KCNAB2: variants seen among roughly 807,000 people sequenced by gnomAD.
KCNAB2 encodes voltage-gated potassium channel subunit beta-2.
A neutral mutation model predicts 63.6 loss-of-function variants in KCNAB2; 29 were observed. The observed-to-expected ratio is 0.46, with a 90% confidence interval of 0.34 to 0.62. The LOEUF (loss-of-function observed/expected upper bound fraction) is 0.62. Among genes scored for constraint, KCNAB2 ranks in the 20% least tolerant of loss-of-function variants. KCNAB2 has a pLI of 0.01. For synonymous variants in KCNAB2, 222 were observed against 224.2 expected, an observed-to-expected ratio of 0.99 and a Z score of 0.09; for missense variants, 359 against 563.9, an observed-to-expected ratio of 0.64 and a Z score of 3.68.
intron 1 of KCNAB2, among the ~76,000 whole-genome samples, chr1:6,009,470 C>A (rs1161561991): frequency 6.6e-6 from 1 of 152,262 alleles, no homozygotes; most frequent in African/African-American, 2.4e-5. Flanking sequence ...CGTCCCCTGT[C>A]TAGACCCCAT....
chr1:6,090,497 C>A, intron 9 of KCNAB2, 22 bp downstream of exon 9: 2 of 1,598,446 alleles, frequency 1.3e-6, no homozygotes, highest in Non-Finnish European at 1.7e-6. Context: ...GCGGCGGCGC[C>A]ACCGGTTAGG....
chr1:6,060,626 G>A (rs2100587436), intron 2 of KCNAB2, among the ~76,000 whole-genome samples: 1 of 152,356 alleles, frequency 6.6e-6, no homozygotes, highest in South Asian at 2.1e-4. Flanking sequence ...GTCAGGCCAA[G>A]CGTGGTGGCT....
At chr1:6,066,080 G>A (rs76199378) in intron 2 of KCNAB2, among the ~76,000 whole-genome samples, 5,647 of 152,268 alleles carry the variant, frequency 0.037, 314 homozygotes, top group African/African-American at 0.12. Flanking sequence ...GGTGTCCTTC[G>A]TTTGCTCGGA....
Position 6,098,473 on chromosome 1 carries a change from T to C in KCNAB2, c.1159-12T>C. ...TGGTGGGATTCTGATTTGTTGTTGTTCTTGCACGCAGGTCCTTCCGAAACT... is the reference window on the plus strand; with the variant it reads ...TGGTGGGATTCTGATTTGTTGTTGTCCTTGCACGCAGGTCCTTCCGAAACT... On this transcript the variant is annotated splice_polypyrimidine_tract_variant and intron_variant, in intron 15 of 15. Transcript: ENST00000378083. 6.2e-7 allele frequency: 1 copy of C among 1,613,688 alleles called. No individual in the cohort carries two copies. The highest frequency in any genetic ancestry group is 8.5e-7 in the Non-Finnish European group (1 of 1,179,798).
At chr1:6,043,178 T>C (rs767352840), upstream of KCNAB2, among the ~76,000 whole-genome samples, 1 of 152,098 alleles carries the variant, frequency 6.6e-6, no homozygotes, top group Non-Finnish European at 1.5e-5. Context: ...CTGAACTGCA[T>C]CCTCAGAGAG....
rs1272690875 is a variant in KCNAB2 at position 6,071,616 on chromosome 1, C to T, written c.219-1139C>T. ...TATCGTAACGTGGGAATCGATGTCACGACAAGCAAGGCGCCTGCTGCGTAG... is the reference window on the plus strand; with the variant it reads ...TATCGTAACGTGGGAATCGATGTCATGACAAGCAAGGCGCCTGCTGCGTAG... On this transcript the variant is annotated intron_variant, in intron 2 of 15. Transcript: ENST00000378083. This position sits in a 1 kb window ranked among gnomAD's most constrained non-coding sequence, Gnocchi z 8.5. 1.3e-5 allele frequency among the ~76,000 whole-genome samples: 2 copies of T among 152,318 alleles called. No individual in the cohort carries two copies. Among genetic ancestry groups the T allele is most frequent in the South Asian group, 2.1e-4 (1 of 4,830 alleles).
chr1:6,020,969 C>T (rs1362553421), intron 1 of KCNAB2, among the ~76,000 whole-genome samples: 1 of 152,050 alleles, frequency 6.6e-6, no homozygotes, highest in African/African-American at 2.4e-5. Flanking sequence ...CCTGTAAGGC[C>T]ACCACACCCA....
chr1:5,998,023 G>C (rs940010268), intron 1 of KCNAB2, among the ~76,000 whole-genome samples: 1 of 152,236 alleles, frequency 6.6e-6, no homozygotes, highest in African/African-American at 2.4e-5. Context: ...GGGAAGGAGA[G>C]ACGGGGGCAG....
At chr1:6,097,043 C>T (rs990101625) in intron 14 of KCNAB2, among the ~76,000 whole-genome samples, 5 of 152,198 alleles carry the variant, frequency 3.3e-5, no homozygotes, top group South Asian at 2.1e-4. Flanking sequence ...GGATGGGGAG[C>T]GCTAAGCACT....
rs1012008976 is a variant in KCNAB2 at position 6,071,830 on chromosome 1, A to G, written c.219-925A>G. 7.0e-6 allele frequency among the ~76,000 whole-genome samples: 1 copy of G among 143,426 alleles called. No individual in the cohort carries two copies. The highest frequency in any genetic ancestry group is 1.5e-5 in the Non-Finnish European group (1 of 65,486). The allele number at this position is 143,426 out of a possible 152,430, so 94.1% of individuals were successfully genotyped here. ...CTGCCGCGAGGGCACCTCCTGCCGC[A>G]TAGGGCACCTCCTGCCGCGAGGGCA... On this transcript the variant is annotated intron_variant, in intron 2 of 15. Coordinates refer to ENST00000378083, the MANE Select transcript of KCNAB2 (RefSeq NM_001199862.2). This position sits in a 1 kb window ranked among gnomAD's most constrained non-coding sequence, Gnocchi z 8.5.
chr1:6,022,084 G>A (rs1240528632), intron 1 of KCNAB2, among the ~76,000 whole-genome samples: 1 of 152,034 alleles, frequency 6.6e-6, no homozygotes, highest in Non-Finnish European at 1.5e-5. Flanking sequence ...GGCATTGAGT[G>A]TACAGTTCAG....
intron 1 of KCNAB2, among the ~76,000 whole-genome samples, chr1:6,025,836 C>T (rs1351816131): frequency 8.4e-6 from 1 of 119,756 alleles, no homozygotes; most frequent in Non-Finnish European, 1.7e-5. Context: ...GGGCAGCCCA[C>T]CCCAGCACAC....
rs1406125213 is a variant in KCNAB2 at position 5,994,714 on chromosome 1, C to A, written c.-53+1926C>A. Reference sequence around the variant, plus strand: ...GGATGGGAAGCAGTGTGCACAGAAGCCATTGCACCCGGGAGGTGGGACGTG... The same window carrying A: ...GGATGGGAAGCAGTGTGCACAGAAGACATTGCACCCGGGAGGTGGGACGTG... On this transcript the variant is annotated intron_variant, in intron 1 of 16. Transcript: ENST00000341524. This position sits in a 1 kb window ranked among gnomAD's most constrained non-coding sequence, Gnocchi z 5.4. 6.6e-6 allele frequency among the ~76,000 whole-genome samples: 1 copy of A among 152,130 alleles called. No individual in the cohort carries two copies. Among genetic ancestry groups the A allele is most frequent in the African/African-American group, 2.4e-5 (1 of 41,414 alleles).
intron 7 of KCNAB2, among the ~76,000 whole-genome samples, chr1:6,088,225 T>G (rs1571082652): frequency 7.5e-6 from 1 of 133,102 alleles, no homozygotes; most frequent in South Asian, 2.4e-4. Context: ...CCTTTTTCTC[T>G]CTCTCTCTTT....
intron 1 of KCNAB2, among the ~76,000 whole-genome samples, chr1:6,008,752 G>A (rs1198453425): frequency 7.9e-5 from 12 of 152,124 alleles, no homozygotes; most frequent in East Asian, 1.9e-4. Context: ...TGAGGCCCCC[G>A]AACCACCACC....
In KCNAB2 at chr1:6,074,142, C is replaced by A. The variant is rs1663465753; in HGVS notation, c.300+372C>A. Among the ~76,000 whole-genome samples the A allele has an allele frequency of 6.6e-6, 1 of 152,230 alleles. No homozygotes were observed. Among genetic ancestry groups the A allele is most frequent in the South Asian group, 2.1e-4 (1 of 4,834 alleles). ...AGCCGGATGCAGGTCCTAGCTGCCC[C>A]CATGGAGGCTCCAGTAACTGTCTGT... On this transcript the variant is annotated intron_variant, in intron 4 of 15. Coordinates refer to ENST00000378083, the MANE Select transcript of KCNAB2 (RefSeq NM_001199862.2). This position sits in a 1 kb window ranked among gnomAD's most constrained non-coding sequence, Gnocchi z 4.9.
At chr1:6,020,999 A>G (rs760597547) in intron 1 of KCNAB2, among the ~76,000 whole-genome samples, 6 of 152,088 alleles carry the variant, frequency 3.9e-5, no homozygotes, top group African/African-American at 9.7e-5. Context: ...TTTTATTTTC[A>G]TATATATTTT....
chr1:6,062,376 A>G (rs970081822), intron 2 of KCNAB2, among the ~76,000 whole-genome samples: 2 of 152,210 alleles, frequency 1.3e-5, no homozygotes, highest in African/African-American at 4.8e-5. Context: ...AAAGAACACA[A>G]TGTGAGCTAG....
At position 6,095,652 on chromosome 1, in the gene KCNAB2, C is replaced by T. The variant is rs546195314; in HGVS notation, c.948+28C>T. 2.7e-5 allele frequency: 43 copies of T among 1,603,354 alleles called. 1 individual carries two copies. In the South Asian group the frequency reaches 3.5e-4, roughly 13 times the overall value. On this transcript the variant is annotated intron_variant, in intron 13 of 15. Transcript: ENST00000378083. The stretch of plus-strand genomic sequence containing the variant: ...GAAGGAACAGCCTGGTGGGGAGGGA[C>T]GGGCAGGGGATAGGCATTTTGGACG...
Sources: allele counts gnomAD v4.1 joint callset (sites outside exome capture counted in the v4.1 genomes callset), GRCh38; gene constraint gnomAD v4.1.1; non-coding constraint Gnocchi (gnomAD v3.1); transcripts MANE v1.5; gene names NCBI Gene and HGNC (gene_info 2026-07-23, HGNC 2026-07-21).